Variants in NELL1 observed in about 807,000 individuals in gnomAD.
NELL1 encodes the protein neural EGFL like 1, also known as protein kinase C-binding protein NELL1.
A neutral mutation model predicts 107.4 loss-of-function variants in NELL1; 76 were observed. The ratio of observed to expected loss-of-function variants is 0.71; its 90% confidence interval spans 0.59 to 0.86. The LOEUF (loss-of-function observed/expected upper bound fraction) is 0.86, where lower values mean the gene tolerates loss of function less well. Among genes scored for constraint, NELL1 ranks in the 40% least tolerant of loss-of-function variants. The probability of loss-of-function intolerance (pLI) is 0.00; values close to 1 mark genes in which losing one functional copy is unlikely to be tolerated. For synonymous variants in NELL1, 353 were observed against 341.2 expected (o/e 1.03, Z -0.38); for missense variants, 1,024 against 1,005.5 (o/e 1.02, Z -0.25).
chr11:21,083,959 G>C (rs1368732889), intron 12 of NELL1, among the ~76,000 whole-genome samples: 1 of 152,120 alleles, frequency 6.6e-6, no homozygotes, highest in Admixed American at 6.5e-5. Flanking sequence ...TATACAAGGA[G>C]CCTTATAAAA....
chr11:21,487,565 T>C (rs1854668814), intron 15 of NELL1, among the ~76,000 whole-genome samples: 1 of 151,968 alleles, frequency 6.6e-6, no homozygotes, highest in South Asian at 2.1e-4. Context: ...GCTCAAGTGG[T>C]TCCACTACAG....
chr11:21,492,461 G>C (rs559143657), intron 15 of NELL1, among the ~76,000 whole-genome samples: 1 of 151,628 alleles, frequency 6.6e-6, no homozygotes, highest in East Asian at 1.9e-4. Context: ...GTTTATTGCG[G>C]CACTATTCAC....
At chr11:20,818,969 T>C (rs1280233041) in intron 3 of NELL1, among the ~76,000 whole-genome samples, 1 of 152,200 alleles carries the variant, frequency 6.6e-6, no homozygotes, top group African/African-American at 2.4e-5. Flanking sequence ...ATGAGGAAAC[T>C]GAAGCACAGA....
At chr11:20,975,916 A>AAC (rs1221913132) in intron 12 of NELL1, among the ~76,000 whole-genome samples, 1 of 89,590 alleles carries the variant, frequency 1.1e-5, no homozygotes, top group Non-Finnish European at 2.1e-5. Context: ...GTATTATATA[A>AAC]ACACACATAT....
intron 2 of NELL1, among the ~76,000 whole-genome samples, chr11:20,717,023 T>G (rs537440169): frequency 1.3e-5 from 2 of 152,348 alleles, no homozygotes; most frequent in East Asian, 3.9e-4. Context: ...AATGTATTCA[T>G]TCATTTGCTA....
intron 12 of NELL1, among the ~76,000 whole-genome samples, chr11:20,965,967 A>G (rs1851379893): frequency 6.6e-6 from 1 of 152,206 alleles, no homozygotes; most frequent in Admixed American, 6.5e-5. Context: ...TAATTATCCA[A>G]TATTTAGGTA....
intron 15 of NELL1, among the ~76,000 whole-genome samples, chr11:21,501,685 C>A (rs11026114): frequency 0.048 from 7,383 of 152,238 alleles, 272 homozygotes; most frequent in Non-Finnish European, 0.072. Context: ...CGCTTTGCAG[C>A]TTATTACTTT....
chr11:21,345,984 A>T (rs11026038), intron 14 of NELL1, among the ~76,000 whole-genome samples: 1 of 151,990 alleles, frequency 6.6e-6, no homozygotes, highest in African/African-American at 2.4e-5. Context: ...GAAGTTCCCA[A>T]ATACATGATA....
At chr11:20,927,893 A>G (rs1236959795) in intron 8 of NELL1, among the ~76,000 whole-genome samples, 1 of 152,230 alleles carries the variant, frequency 6.6e-6, no homozygotes, top group Non-Finnish European at 1.5e-5. Flanking sequence ...ACTCACTGTC[A>G]GTGTGAGGAT....
chr11:21,185,547 G>A (rs898909893), intron 13 of NELL1, among the ~76,000 whole-genome samples: 68 of 151,552 alleles, frequency 4.5e-4, no homozygotes, highest in Admixed American at 4.1e-3. Context: ...CACCCGCCTC[G>A]GCCTCCCAAA....
At chr11:20,811,083 A>C (rs189723653) in intron 3 of NELL1, among the ~76,000 whole-genome samples, 1 of 152,148 alleles carries the variant, frequency 6.6e-6, no homozygotes, top group African/African-American at 2.4e-5. Context: ...GACCACTGTC[A>C]TGGAGATTTC....
At position 21,086,937 on chromosome 11, in the gene NELL1, C is replaced by A. The variant is rs527871957; in HGVS notation, c.1301-26652C>A. Among the ~76,000 whole-genome samples the A allele has an allele frequency of 1.4e-4, 20 of 148,046 alleles. No homozygotes were observed. The South Asian group carries it at 3.7e-3, about 27-fold the overall frequency. On this transcript the variant is annotated intron_variant, in intron 12 of 19. Transcript: ENST00000357134. ...ACCTCCCCCTCCCCAGTTCAAGGTT[C>A]AAGTGATTCTCCTGCCTCAGCCTCC... is the stretch of plus-strand genomic sequence containing the variant.
chr11:21,118,632 G>A (rs1208758591), intron 13 of NELL1, among the ~76,000 whole-genome samples: 1 of 152,014 alleles, frequency 6.6e-6, no homozygotes, highest in East Asian at 1.9e-4. Flanking sequence ...GAAATTGACA[G>A]GCCTAAAGGC....
intron 9 of NELL1, among the ~76,000 whole-genome samples, chr11:20,933,194 T>A (rs1370555292): frequency 4.0e-5 from 6 of 151,598 alleles, no homozygotes; most frequent in Non-Finnish European, 8.8e-5. Flanking sequence ...CAGGTGGAGG[T>A]GTTGAGGCTG....
intron 13 of NELL1, among the ~76,000 whole-genome samples, chr11:21,122,781 A>G (rs1855398512): frequency 6.6e-6 from 1 of 152,200 alleles, no homozygotes; most frequent in South Asian, 2.1e-4. Flanking sequence ...TACGTATATC[A>G]GTTTGAGTGA....
intron 3 of NELL1, among the ~76,000 whole-genome samples, chr11:20,844,662 G>T (rs546276592): frequency 1.4e-4 from 21 of 152,224 alleles, no homozygotes; most frequent in African/African-American, 5.1e-4. Context: ...TCAGACTTCT[G>T]CTCCCTTCAT....
rs140693605 is a variant in NELL1 at position 20,910,476 on chromosome 11, C to T, written c.604-7706C>T. Among the ~76,000 whole-genome samples, 719 of 152,284 alleles carry T rather than the reference C, an allele frequency of 4.7e-3. 5 individuals carry two copies. The highest frequency in any genetic ancestry group is 0.02 in the Middle Eastern group (6 of 294). ...TTTCCAACTGAAACATCTCCATTTC[C>T]GGCCCCGCACTCACCACAGTTTGAG... On this transcript the variant is annotated intron_variant, in intron 5 of 19. Transcript: ENST00000357134.
chr11:20,945,064 C>T (rs1850935205), intron 10 of NELL1, among the ~76,000 whole-genome samples: 1 of 152,046 alleles, frequency 6.6e-6, no homozygotes. Context: ...AATCTTTTAA[C>T]AGTTTGATTT....
At chr11:21,566,295 A>G (rs1406462030) in intron 17 of NELL1, among the ~76,000 whole-genome samples, 1 of 151,926 alleles carries the variant, frequency 6.6e-6, no homozygotes, top group Non-Finnish European at 1.5e-5. Context: ...TGGCAGAAAA[A>G]AAATGAGTGA....
Sources: gnomAD v4.1 joint callset for allele counts (sites outside exome capture counted in the v4.1 genomes callset) on GRCh38, gnomAD v4.1.1 for gene constraint, MANE v1.5 for transcripts, NCBI Gene and HGNC (gene_info 2026-07-23, HGNC 2026-07-21) for gene names.